The following NCAM2 variants were observed in gnomAD, a reference collection of about 807,000 sequenced individuals.
NCAM2 encodes N-CAM-2.
NCAM2 carries 30 observed loss-of-function variants against 98.1 expected under a neutral mutation model. The observed-to-expected ratio is 0.31, with a 90% CI of 0.23 to 0.41. The LOEUF (loss-of-function observed/expected upper bound fraction) is 0.41, where lower values mean the gene tolerates loss of function less well. NCAM2 is among the 10% of genes least tolerant of loss of function. NCAM2 has a pLI of 1.00. For synonymous variants in NCAM2, 368 were observed against 342.4 expected (o/e 1.07, Z -0.83); for missense variants, 867 against 1,005.8 (o/e 0.86, Z 1.87).
At chr21:21,012,758 C>G (rs545965173) in intron 1 of NCAM2, among the ~76,000 whole-genome samples, 1 of 151,958 alleles carries the variant, frequency 6.6e-6, no homozygotes, top group African/African-American at 2.4e-5. Context: ...GCAAATCTAT[C>G]GGCCTCATTT....
At chr21:21,315,347 A>G (rs10854451) in intron 5 of NCAM2, among the ~76,000 whole-genome samples, 48,213 of 151,902 alleles carry the variant, frequency 0.32, 8,407 homozygotes, top group African/African-American at 0.46. Flanking sequence ...CCTTCCTAAG[A>G]CCTTCCTACT....
At chr21:21,530,124 TTATA>T (rs1989553104) in intron 16 of NCAM2, among the ~76,000 whole-genome samples, 1 of 144,564 alleles carries the variant, frequency 6.9e-6, no homozygotes, top group Non-Finnish European at 1.5e-5. Context: ...TTTAATTTAA[TTATA>T]TATGATTTAA....
At chr21:21,215,143 G>T (rs1347404179) in intron 1 of NCAM2, among the ~76,000 whole-genome samples, 1 of 152,080 alleles carries the variant, frequency 6.6e-6, no homozygotes, top group Non-Finnish European at 1.5e-5. Flanking sequence ...ATATGGTGCT[G>T]TATTGGGAGC....
intron 16 of NCAM2, among the ~76,000 whole-genome samples, chr21:21,514,090 T>A (rs1569131845): frequency 6.6e-6 from 1 of 151,354 alleles, no homozygotes; most frequent in Non-Finnish European, 1.5e-5. Context: ...ATATAAATTA[T>A]GTATATACAA....
chr21:21,481,394 A>G (rs369707699), intron 15 of NCAM2, among the ~76,000 whole-genome samples: 31 of 152,328 alleles, frequency 2.0e-4, no homozygotes, highest in Non-Finnish European at 4.0e-4. Context: ...GAATAGATGT[A>G]AAGTGTCAAA....
chr21:21,034,147 T>G (rs1182570299), intron 1 of NCAM2, among the ~76,000 whole-genome samples: 1 of 152,014 alleles, frequency 6.6e-6, no homozygotes, highest in Non-Finnish European at 1.5e-5. Flanking sequence ...TGAGAATAGG[T>G]CAGTTTGTTA....
intron 12 of NCAM2, among the ~76,000 whole-genome samples, chr21:21,446,903 G>A (rs1313069129): frequency 1.3e-5 from 2 of 151,992 alleles, no homozygotes; most frequent in African/African-American, 4.8e-5. Context: ...AATAAGAGAG[G>A]ACACAAAGAA....
At chr21:21,071,917 ATC>A in intron 1 of NCAM2, among the ~76,000 whole-genome samples, 3 of 117,702 alleles carry the variant, frequency 2.5e-5, no homozygotes, top group African/African-American at 9.6e-5. Context: ...CTATCTATCT[ATC>A]TATATTTTTT....
At chr21:21,353,745 A>T (rs2075400679) in intron 8 of NCAM2, among the ~76,000 whole-genome samples, 1 of 152,094 alleles carries the variant, frequency 6.6e-6, no homozygotes, top group Non-Finnish European at 1.5e-5. Context: ...TTGGGCCATT[A>T]TACACCTTTC....
chr21:21,256,071 C>A (rs1366518115), intron 1 of NCAM2, among the ~76,000 whole-genome samples: 1 of 151,942 alleles, frequency 6.6e-6, no homozygotes, highest in Non-Finnish European at 1.5e-5. Context: ...AATAATATTT[C>A]TGGCTGGGCG....
At chr21:21,228,294 T>C (rs2070471731) in intron 1 of NCAM2, among the ~76,000 whole-genome samples, 1 of 151,456 alleles carries the variant, frequency 6.6e-6, no homozygotes, top group South Asian at 2.1e-4. Context: ...AAATAGAAAG[T>C]CATACAATTT....
intron 1 of NCAM2, among the ~76,000 whole-genome samples, chr21:21,186,844 C>T (rs1432733448): frequency 1.3e-5 from 2 of 151,986 alleles, no homozygotes; most frequent in African/African-American, 4.8e-5. Flanking sequence ...AACAAAAATA[C>T]GATTGTAAAT....
At chr21:21,075,436 A>C (rs2065661159) in intron 1 of NCAM2, among the ~76,000 whole-genome samples, 1 of 152,208 alleles carries the variant, frequency 6.6e-6, no homozygotes, top group African/African-American at 2.4e-5. Context: ...GTGCATGATA[A>C]AGATACTCTT....
In NCAM2 at chr21:21,268,664, C is replaced by T. The variant is rs555299013; in HGVS notation, c.56-11914C>T. Among the ~76,000 whole-genome samples, 29 of 152,144 alleles carry T rather than the reference C, an allele frequency of 1.9e-4. No homozygotes were observed. In the South Asian group the frequency reaches 6.0e-3, roughly 32 times the overall value. The stretch of plus-strand genomic sequence containing the variant: ...TGTACATGAGAATATATCTGATATC[C>T]CCATAATTCTTATCTCTCTTCTGAT... On this transcript the variant is annotated intron_variant, in intron 1 of 17. Transcript: ENST00000400546.
chr21:21,299,124 C>A (rs2073609563), intron 5 of NCAM2, among the ~76,000 whole-genome samples: 1 of 151,650 alleles, frequency 6.6e-6, no homozygotes, highest in African/African-American at 2.4e-5. Flanking sequence ...AAGATGCCAT[C>A]TGACATTGTG....
At chr21:21,347,123 A>T (rs1461024483) in intron 8 of NCAM2, among the ~76,000 whole-genome samples, 4 of 152,158 alleles carry the variant, frequency 2.6e-5, no homozygotes, top group South Asian at 2.1e-4. Context: ...ACAAAGCTTT[A>T]GACAGACTAA....
At chr21:20,999,146 A>G (rs1284115530) in intron 1 of NCAM2, among the ~76,000 whole-genome samples, 3 of 151,930 alleles carry the variant, frequency 2.0e-5, no homozygotes, top group African/African-American at 7.2e-5. Context: ...ATGATGGCTT[A>G]TTTCTGTTGG....
At chr21:21,241,491 C>A (rs570487838) in intron 1 of NCAM2, among the ~76,000 whole-genome samples, 1 of 152,164 alleles carries the variant, frequency 6.6e-6, no homozygotes, top group African/African-American at 2.4e-5. Flanking sequence ...TTAACTTGGA[C>A]AAGCTCATTG....
intron 1 of NCAM2, among the ~76,000 whole-genome samples, chr21:21,111,379 C>T (rs2066450876): frequency 6.6e-6 from 1 of 152,004 alleles, no homozygotes; most frequent in African/African-American, 2.4e-5. Context: ...GGTTTTGAGC[C>T]CGGAGGCATG....
Sources: allele counts gnomAD v4.1 joint callset (sites outside exome capture counted in the v4.1 genomes callset), GRCh38; gene constraint gnomAD v4.1.1; transcripts MANE v1.5; gene names NCBI Gene and HGNC (gene_info 2026-07-23, HGNC 2026-07-21).